Variants in MYBPC1 observed in about 807,000 individuals in gnomAD.
MYBPC1 encodes myosin-binding protein C, slow-type.
In MYBPC1, 52 loss-of-function variants were observed where a neutral mutation model predicts 147.1. The observed-to-expected ratio is 0.35, with a 90% CI of 0.28 to 0.45. The LOEUF (loss-of-function observed/expected upper bound fraction) is 0.45. Ranked by LOEUF, MYBPC1 falls within the 20% of genes least tolerant of loss-of-function variation. The pLI is 1.00. For synonymous variants in MYBPC1, 477 were observed against 475.9 expected (o/e 1.00, Z -0.03); for missense variants, 1,228 against 1,440.3 (o/e 0.85, Z 2.39).
chr12:101,651,085 C>A (rs1894341352), intron 15 of MYBPC1, 146 bp from the exon 16 acceptor site: 1 of 868,104 alleles, frequency 1.2e-6, no homozygotes, highest in African/African-American at 1.7e-5. Flanking sequence ...GTGAAATTAT[C>A]CTCTAATATA....
At chr12:101,651,510 C>T (rs949097731) in intron 16 of MYBPC1, 117 bp downstream of exon 16, 46 of 1,368,020 alleles carry the variant, frequency 3.4e-5, no homozygotes, top group Middle Eastern at 2.1e-4. Flanking sequence ...ATCATCTATT[C>T]CTGATTCTTC....
intron 18 of MYBPC1, among the ~76,000 whole-genome samples, chr12:101,654,099 CA>C (rs1895088974): frequency 6.6e-6 from 1 of 152,082 alleles, no homozygotes; most frequent in African/African-American, 2.4e-5. Flanking sequence ...TCCAGCTACT[CA>C]GGAGGCTGAG....
rs1358819709 is a variant in MYBPC1 at position 101,642,605 on chromosome 12, AGGCAGCGGCCGAGGGGCGT to A, written c.832+28_832+46del. 55 of 1,602,538 alleles carry A rather than the reference AGGCAGCGGCCGAGGGGCGT, an allele frequency of 3.4e-5. No homozygotes were observed. The highest frequency in any genetic ancestry group is 1.7e-4 in the Middle Eastern group (1 of 6,042). The stretch of plus-strand genomic sequence containing the variant: ...GCGCAGGTGAGCGCTCCCGGGGGCG[AGGCAGCGGCCGAGGGGCGT>A]GGCAGCGTTCGAAAGCCTTGACCGT... On this transcript the variant is annotated intron_variant, in intron 11 of 31. Transcript: ENST00000361466.
intron 19 of MYBPC1, 110 bp downstream of exon 19, chr12:101,659,941 TATCTTC>T: frequency 7.2e-7 from 1 of 1,392,074 alleles, no homozygotes; most frequent in African/African-American, 1.4e-5. Context: ...GTCTTTCCCT[TATCTTC>T]TTTTTTTTTC....
intron 19 of MYBPC1, among the ~76,000 whole-genome samples, chr12:101,660,767 G>T (rs1441439343): frequency 1.3e-5 from 2 of 151,916 alleles, no homozygotes; most frequent in Non-Finnish European, 2.9e-5. Context: ...TCACAATCAT[G>T]GTGGAAGGTG....
At position 101,649,307 on chromosome 12, in the gene MYBPC1, G is replaced by T; in HGVS notation, c.1244G>T (p.Arg415Leu). ...ATCCCTGGTCCAAAATCAAGATACC[G>T]AATTAGAGTTGAGGGTAAAAAACAC... is the stretch of plus-strand genomic sequence containing the variant. ...EIIPGPKSRYRIRVEGKKHIL... is the reference protein window; with the variant it reads ...EIIPGPKSRYLIRVEGKKHIL... Residue 415 changes from arginine (R) to leucine (L), a missense_variant, in exon 15 of 32, where the codon CGA (arginine) becomes CTA (leucine). Arg to Leu is a moderately radical substitution (Grantham distance 102). This residue lies in a region of MYBPC1 where 1,077 missense variants were observed against 1,314.2 expected (regional missense o/e 0.82). Coordinates refer to ENST00000361466, the MANE Select transcript of MYBPC1 (RefSeq NM_002465.4). 1 of 1,613,756 alleles carries T rather than the reference G, an allele frequency of 6.2e-7. No homozygotes were observed. Among genetic ancestry groups the T allele is most frequent in the South Asian group, 1.1e-5 (1 of 91,072 alleles).
chr12:101,622,118 T>C (rs1887568390), intron 3 of MYBPC1, among the ~76,000 whole-genome samples: 1 of 152,244 alleles, frequency 6.6e-6, no homozygotes. Flanking sequence ...GTTTATGTAT[T>C]CATCATCACC....
chr12:101,649,113 ATT>A, intron 14 of MYBPC1, 145 bp from the exon 15 acceptor site: 3 of 720,504 alleles, frequency 4.2e-6, no homozygotes, highest in Non-Finnish European at 7.0e-6. Context: ...ACAGAGATTG[ATT>A]CGTACATTTT....
chr12:101,646,476 T>C lies in MYBPC1; in HGVS notation c.966-287T>C, dbSNP rs825056. 0.086 allele frequency among the ~76,000 whole-genome samples: 13,135 copies of C among 152,092 alleles called. 836 individuals are homozygous for C. Among genetic ancestry groups the C allele is most frequent in the African/African-American group, 0.18 (7,487 of 41,482 alleles). On this transcript the variant is annotated intron_variant, in intron 12 of 31. Transcript: ENST00000361466. ...CTGGGCAAGATGGTGAGACTCAGTC[T>C]TACAAAAAATAAATTAGCTGGGCCT...
At chr12:101,678,461 C>T (rs1900565975) in intron 28 of MYBPC1, among the ~76,000 whole-genome samples, 1 of 152,164 alleles carries the variant, frequency 6.6e-6, no homozygotes, top group Non-Finnish European at 1.5e-5. Context: ...AAAAAGCAAA[C>T]CACCTATTTA....
intron 3 of MYBPC1, among the ~76,000 whole-genome samples, chr12:101,625,374 T>C (rs1455288482): frequency 2.0e-5 from 3 of 152,230 alleles, no homozygotes; most frequent in Admixed American, 6.5e-5. Context: ...GGACTGCACT[T>C]GTTTTCATAG....
chr12:101,658,205 A>T (rs1404823444), intron 18 of MYBPC1, among the ~76,000 whole-genome samples: 2 of 151,992 alleles, frequency 1.3e-5, no homozygotes, highest in African/African-American at 4.8e-5. Context: ...ACCAAGTGAA[A>T]CTCACTCTAG....
Position 101,649,394 on chromosome 12 carries a change from G to A in MYBPC1, c.1331G>A (p.Gly444Glu). Residue 444 changes from glycine (G) to glutamate (E), a missense_variant, in exon 15 of 32, where the codon GGA becomes GAA. By Grantham distance (98) the Gly-to-Glu change is moderately conservative. Transcript: ENST00000361466. ...GCAGAATATTCAGTAATGACAACAG[G>A]AGGACAATCATCTGCTAAACTTAGT... The part of the protein sequence containing the change: ...DAAEYSVMTT[G>E]GQSSAKLSVD... The A allele has an allele frequency of 6.2e-7, 1 of 1,613,894 alleles. No homozygotes were observed. Among genetic ancestry groups the A allele is most frequent in the East Asian group, 2.2e-5 (1 of 44,850 alleles).
intron 1 of MYBPC1, among the ~76,000 whole-genome samples, chr12:101,611,231 C>A (rs1026286680): frequency 2.0e-5 from 3 of 152,246 alleles, no homozygotes; most frequent in Non-Finnish European, 4.4e-5. Context: ...GCCATTCTCT[C>A]TGATAGAGTT....
chr12:101,628,390 G>A (rs1889111883), intron 5 of MYBPC1, among the ~76,000 whole-genome samples: 1 of 152,070 alleles, frequency 6.6e-6, no homozygotes. Context: ...ACATTAGCTT[G>A]GGTGTTTAAA....
chr12:101,600,635 C>T (rs957642318), intron 1 of MYBPC1, among the ~76,000 whole-genome samples: 1 of 152,050 alleles, frequency 6.6e-6, no homozygotes, highest in Non-Finnish European at 1.5e-5. Flanking sequence ...AAAATTATTG[C>T]AATTGTTTTA....
At chr12:101,622,220 T>C (rs1447297017) in intron 3 of MYBPC1, among the ~76,000 whole-genome samples, 1 of 152,202 alleles carries the variant, frequency 6.6e-6, no homozygotes, top group Non-Finnish European at 1.5e-5. Context: ...CATATATATG[T>C]TGTTGAACTG....
chr12:101,636,736 C>A lies in MYBPC1; in HGVS notation c.665+8C>A, dbSNP rs199628742. On this transcript the variant is annotated splice_region_variant and intron_variant, in intron 10 of 31. Coordinates refer to ENST00000361466, the MANE Select transcript of MYBPC1 (RefSeq NM_002465.4). ...TGGTCTCCTGAAACGTAGGTGAGAA[C>A]AAAGTGATGGAGTGAGACATTGTGG... 31 of 1,612,168 alleles carry A rather than the reference C, an allele frequency of 1.9e-5. No individual in the cohort carries two copies. The African/African-American group carries it at 3.7e-4, about 19-fold the overall frequency.
At chr12:101,603,502 T>C (rs1160425685) in intron 1 of MYBPC1, among the ~76,000 whole-genome samples, 1 of 152,158 alleles carries the variant, frequency 6.6e-6, no homozygotes, top group Non-Finnish European at 1.5e-5. Context: ...ACTGTGTTTA[T>C]TGCGGTGGAA....
Sources: gnomAD v4.1 joint callset for allele counts (sites outside exome capture counted in the v4.1 genomes callset) on GRCh38, gnomAD v4.1.1 for gene constraint, gnomAD v4.1.1 regional missense constraint, MANE v1.5 for transcripts, NCBI Gene and HGNC (gene_info 2026-07-23, HGNC 2026-07-21) for gene names.